The following EYS variants were observed in gnomAD, a reference collection of about 807,000 sequenced individuals.
EYS encodes the protein protein eyes shut homolog.
Under a neutral mutation model 282.1 loss-of-function variants are expected in EYS, and 250 were observed. The observed-to-expected ratio is 0.89, with a 90% CI of 0.80 to 0.98. EYS has a LOEUF of 0.98. Among genes scored for constraint, EYS ranks in the 50% least tolerant of loss-of-function variants. The pLI, the probability that EYS is intolerant of heterozygous loss-of-function variation, is 0.00. For missense variants in EYS, 4,016 were observed against 3,709.0 expected, an observed-to-expected ratio of 1.08 and a Z score of -2.15; for synonymous variants, 1,355 against 1,282.9, an observed-to-expected ratio of 1.06 and a Z score of -1.20.
chr6:63,781,512 T>C (rs1480696739), intron 39 of EYS, among the ~76,000 whole-genome samples: 2 of 152,138 alleles, frequency 1.3e-5, no homozygotes, highest in Non-Finnish European at 2.9e-5. Context: ...TTTGAAGCAA[T>C]TGTGAATGGG....
intron 24 of EYS, among the ~76,000 whole-genome samples, chr6:64,615,399 C>T (rs951588188): frequency 6.6e-6 from 1 of 151,974 alleles, no homozygotes; most frequent in African/African-American, 2.4e-5. Context: ...TACCTGTATC[C>T]ATTTCAATAT....
At chr6:64,165,784 C>T (rs887768741) in intron 31 of EYS, among the ~76,000 whole-genome samples, 3 of 152,080 alleles carry the variant, frequency 2.0e-5, no homozygotes, top group African/African-American at 4.8e-5. Context: ...ACCTCAATTA[C>T]GTTAGGTATT....
intron 26 of EYS, among the ~76,000 whole-genome samples, chr6:64,502,759 C>T (rs1190113668): frequency 1.3e-5 from 2 of 151,958 alleles, no homozygotes; most frequent in South Asian, 4.2e-4. Flanking sequence ...CATCCATCAA[C>T]AGTATTTGAA....
intron 22 of EYS, among the ~76,000 whole-genome samples, chr6:64,678,792 C>T (rs546498956): frequency 1.2e-4 from 18 of 152,098 alleles, no homozygotes; most frequent in African/African-American, 4.1e-4. Flanking sequence ...CAAGACCAGC[C>T]TGGCCAACAT....
At chr6:64,315,186 A>C (rs1315397328) in intron 29 of EYS, among the ~76,000 whole-genome samples, 1 of 152,228 alleles carries the variant, frequency 6.6e-6, no homozygotes, top group African/African-American at 2.4e-5. Flanking sequence ...AGAAATGAAT[A>C]AATTTCTGGA....
intron 5 of EYS, among the ~76,000 whole-genome samples, chr6:65,470,855 A>G (rs1473267538): frequency 1.3e-5 from 2 of 152,054 alleles, no homozygotes; most frequent in African/African-American, 4.8e-5. Context: ...TATAGTGTTT[A>G]GTTCTAAAAT....
intron 12 of EYS, among the ~76,000 whole-genome samples, chr6:65,104,672 C>T (rs947628803): frequency 3.3e-5 from 5 of 151,438 alleles, no homozygotes; most frequent in African/African-American, 4.8e-5. Context: ...ATGCATATCA[C>T]GACCTCATCT....
At chr6:65,484,730 A>G (rs1031176950) in intron 5 of EYS, among the ~76,000 whole-genome samples, 3 of 152,192 alleles carry the variant, frequency 2.0e-5, no homozygotes, top group Admixed American at 6.5e-5. Context: ...AATTGAGGCT[A>G]CTAGTTTTGT....
intron 12 of EYS, among the ~76,000 whole-genome samples, chr6:65,090,129 C>T (rs1461772120): frequency 6.6e-6 from 1 of 151,880 alleles, no homozygotes; most frequent in East Asian, 1.9e-4. Context: ...GTCTCTGTGT[C>T]ACCACCCAAG....
intron 20 of EYS, 96 bp downstream of exon 20, chr6:64,822,555 T>C: frequency 9.3e-7 from 1 of 1,072,532 alleles, no homozygotes; most frequent in Non-Finnish European, 1.3e-6. Context: ...AAGAGCATAA[T>C]TAAAATTATC....
rs1004724542 is a variant in EYS, at chr6:63,720,590, GTTAAC to G, written c.*1_*5del. 11 of 1,456,808 alleles carry G rather than the reference GTTAAC, an allele frequency of 7.6e-6. No individual in the cohort carries two copies. Among genetic ancestry groups the G allele is most frequent in the African/African-American group, 2.9e-5 (2 of 69,970 alleles). 90.2% of individuals were successfully genotyped at this position (1,456,808 alleles called of 1,614,324 possible). On this transcript the variant is annotated 3_prime_UTR_variant, in exon 43 of 43. Coordinates refer to ENST00000503581, the MANE Select transcript of EYS (RefSeq NM_001142800.2). ...TATAGTGTGTACTAAAATCTCTAGT[GTTAAC>G]TTATGTAACCTCATTTTGTTCATCT...
At chr6:65,280,703 T>C (rs1275411657) in intron 12 of EYS, among the ~76,000 whole-genome samples, 1 of 151,892 alleles carries the variant, frequency 6.6e-6, no homozygotes, top group Non-Finnish European at 1.5e-5. Flanking sequence ...TTTATGATAT[T>C]AATTCATCTG....
chr6:65,032,911 A>G (rs1772649378), intron 13 of EYS, among the ~76,000 whole-genome samples: 1 of 148,534 alleles, frequency 6.7e-6, no homozygotes, highest in Non-Finnish European at 1.5e-5. Flanking sequence ...AATAATTGTG[A>G]CCAAAATGCT....
chr6:63,737,234 T>C lies in EYS; in HGVS notation c.8072-10554A>G, dbSNP rs1202868947. Among the ~76,000 whole-genome samples the C allele has an allele frequency of 2.0e-5, 3 of 152,296 alleles. No homozygotes were observed. In the East Asian group the frequency reaches 5.8e-4, roughly 29 times the overall value. On this transcript the variant is annotated intron_variant, in intron 41 of 42. Transcript: ENST00000503581. ...ATATTGGCTGTGGGTTTGTCATAGA[T>C]AGCTCTTATGATTTTGAGATACATC...
At chr6:64,938,322 TATA>T (rs1050162640) in intron 15 of EYS, among the ~76,000 whole-genome samples, 47 of 150,998 alleles carry the variant, frequency 3.1e-4, no homozygotes, top group African/African-American at 1.0e-3. Flanking sequence ...ATGAATATAG[TATA>T]ATAAGATATT....
intron 33 of EYS, among the ~76,000 whole-genome samples, chr6:64,053,121 C>A (rs1206008645): frequency 6.6e-6 from 1 of 151,918 alleles, no homozygotes; most frequent in Non-Finnish European, 1.5e-5. Flanking sequence ...ATAACTTTTT[C>A]TACCCCCTTT....
At chr6:64,105,496 A>C (rs1205715591) in intron 31 of EYS, among the ~76,000 whole-genome samples, 1 of 152,166 alleles carries the variant, frequency 6.6e-6, no homozygotes, top group Non-Finnish European at 1.5e-5. Flanking sequence ...GGTATTGTAC[A>C]TTCTATGGGT....
intron 12 of EYS, among the ~76,000 whole-genome samples, chr6:65,105,767 G>C (rs189270965): frequency 1.3e-5 from 2 of 151,894 alleles, no homozygotes; most frequent in South Asian, 4.1e-4. Context: ...AAAGTCATGA[G>C]TATGTGATTC....
At chr6:65,176,748 G>A (rs1469725953) in intron 12 of EYS, among the ~76,000 whole-genome samples, 1 of 151,584 alleles carries the variant, frequency 6.6e-6, no homozygotes, top group African/African-American at 2.4e-5. Context: ...AGAATTAAAT[G>A]ATTATATAAT....
Sources: gnomAD v4.1 joint callset for allele counts (sites outside exome capture counted in the v4.1 genomes callset) on GRCh38, gnomAD v4.1.1 for gene constraint, MANE v1.5 for transcripts, NCBI Gene and HGNC (gene_info 2026-07-23, HGNC 2026-07-21) for gene names.